The following PLCXD3 variants were observed in gnomAD, a reference collection of about 807,000 sequenced individuals.
PLCXD3 encodes PI-PLC X domain-containing protein 3.
A neutral mutation model predicts 25.5 loss-of-function variants in PLCXD3; 19 were observed. The observed-to-expected ratio is 0.75, with a 90% CI of 0.52 to 1.09. The LOEUF (loss-of-function observed/expected upper bound fraction) is 1.09. Among genes scored for constraint, PLCXD3 ranks in the 50% least tolerant of loss-of-function variants. The pLI, the probability that PLCXD3 is intolerant of heterozygous loss-of-function variation, is 0.00. For missense variants in PLCXD3, 411 were observed against 388.1 expected (o/e 1.06, Z -0.50); for synonymous variants, 174 against 137.6 (o/e 1.26, Z -1.85).
chr5:41,358,143 C>T (rs762248572), intron 2 of PLCXD3, among the ~76,000 whole-genome samples: 16 of 152,264 alleles, frequency 1.1e-4, no homozygotes, highest in African/African-American at 3.6e-4. Flanking sequence ...TTATGCTTCA[C>T]GGTAGTCTTG....
chr5:41,311,836 C>A lies in PLCXD3; in HGVS notation c.*1781G>T, dbSNP rs1374818417. On this transcript the variant is annotated 3_prime_UTR_variant, in exon 3 of 3. Transcript: ENST00000377801. ...TTGACATATATGGTTTTGAATTGAA[C>A]TCCCTTATCTAAGTCTAAGAGATTA... The A allele has an allele frequency of 1.3e-5, 2 of 152,486 alleles. No homozygotes were observed. Among genetic ancestry groups the A allele is most frequent in the Admixed American group, 6.6e-5 (1 of 15,254 alleles). The allele number at this position is 152,486 out of a possible 1,614,324, so 9.4% of individuals were successfully genotyped here. A position where few individuals can be genotyped will look rare whatever the true frequency, so the allele number is the denominator to read the frequency against.
intron 1 of PLCXD3, among the ~76,000 whole-genome samples, chr5:41,480,966 AGCATTAAAGTATACTAACACT>A (rs1431410713): frequency 6.6e-6 from 1 of 152,096 alleles, no homozygotes; most frequent in Non-Finnish European, 1.5e-5. Flanking sequence ...TATCAGTTGA[AGCATTAAAGTATACTAACACT>A]GTTTCTGAAA....
chr5:41,379,094 C>T (rs1257482048), intron 2 of PLCXD3, among the ~76,000 whole-genome samples: 1 of 152,032 alleles, frequency 6.6e-6, no homozygotes, highest in Non-Finnish European at 1.5e-5. Context: ...AGACTTGCAT[C>T]ATGCCCAAAA....
chr5:41,336,709 T>A (rs570880879), intron 2 of PLCXD3, among the ~76,000 whole-genome samples: 23 of 152,158 alleles, frequency 1.5e-4, no homozygotes, highest in Non-Finnish European at 2.9e-4. Flanking sequence ...CTCTTTGGAA[T>A]AACTTGCATG....
At chr5:41,458,273 T>C (rs1446769748) in intron 1 of PLCXD3, among the ~76,000 whole-genome samples, 2 of 151,532 alleles carry the variant, frequency 1.3e-5, no homozygotes, top group East Asian at 3.9e-4. Context: ...AAGAACAGAA[T>C]ATAGAAGGAA....
At chr5:41,340,697 T>A (rs780359108) in intron 2 of PLCXD3, among the ~76,000 whole-genome samples, 20 of 152,122 alleles carry the variant, frequency 1.3e-4, no homozygotes, top group Non-Finnish European at 2.4e-4. Context: ...GCAGAACTGT[T>A]TAGAGGGATA....
chr5:41,326,804 C>A (rs1302131704), intron 2 of PLCXD3, among the ~76,000 whole-genome samples: 1 of 152,032 alleles, frequency 6.6e-6, no homozygotes, highest in Non-Finnish European at 1.5e-5. Flanking sequence ...CAGTACCTGC[C>A]CATTAAAATA....
At chr5:41,438,558 A>G (rs79959364) in intron 1 of PLCXD3, among the ~76,000 whole-genome samples, 2,596 of 152,218 alleles carry the variant, frequency 0.017, 87 homozygotes, top group African/African-American at 0.06. Flanking sequence ...AATCTGTAAG[A>G]CGGGAGCCTG....
chr5:41,428,047 CTTCT>C (rs1234482537), intron 1 of PLCXD3, among the ~76,000 whole-genome samples: 6 of 152,158 alleles, frequency 3.9e-5, no homozygotes, highest in Admixed American at 2.6e-4. Flanking sequence ...TTCTTTGGGA[CTTCT>C]TTGAGTCCCT....
chr5:41,394,224 G>C (rs1040641059), intron 1 of PLCXD3, among the ~76,000 whole-genome samples: 40 of 152,044 alleles, frequency 2.6e-4, no homozygotes, highest in African/African-American at 9.2e-4. Context: ...GTTGTTATCA[G>C]GTTAAAATAA....
At chr5:41,371,783 G>A (rs1745103587) in intron 2 of PLCXD3, among the ~76,000 whole-genome samples, 1 of 152,076 alleles carries the variant, frequency 6.6e-6, no homozygotes, top group Admixed American at 6.6e-5. Flanking sequence ...ATGGACTTGT[G>A]CCCCACTCAG....
chr5:41,390,634 C>A (rs754714201), intron 1 of PLCXD3, among the ~76,000 whole-genome samples: 7 of 151,936 alleles, frequency 4.6e-5, no homozygotes, highest in African/African-American at 1.7e-4. Flanking sequence ...GAGAGACAGG[C>A]AGAGCAAGAG....
At chr5:41,360,042 CT>C (rs960326966) in intron 2 of PLCXD3, among the ~76,000 whole-genome samples, 10 of 151,962 alleles carry the variant, frequency 6.6e-5, no homozygotes, top group African/African-American at 2.4e-4. Context: ...TTAAAAAATT[CT>C]TTTTTATTTG....
intron 2 of PLCXD3, among the ~76,000 whole-genome samples, chr5:41,329,974 T>C (rs1336686115): frequency 6.6e-6 from 1 of 152,038 alleles, no homozygotes; most frequent in African/African-American, 2.4e-5. Flanking sequence ...ATGCTACTTC[T>C]CTAACACCTC....
intron 1 of PLCXD3, among the ~76,000 whole-genome samples, chr5:41,455,174 A>T (rs1213039519): frequency 6.6e-6 from 1 of 151,962 alleles, no homozygotes; most frequent in African/African-American, 2.4e-5. Context: ...AAGCCTAACC[A>T]TATCACCAAT....
At chr5:41,391,339 A>AGG (rs372563946) in intron 1 of PLCXD3, among the ~76,000 whole-genome samples, 2 of 152,128 alleles carry the variant, frequency 1.3e-5, no homozygotes, top group African/African-American at 4.8e-5. Context: ...AAGAGTTGAG[A>AGG]GGAGTTTGTC....
chr5:41,341,943 A>T (rs1326858616), intron 2 of PLCXD3, among the ~76,000 whole-genome samples: 1 of 152,206 alleles, frequency 6.6e-6, no homozygotes, highest in African/African-American at 2.4e-5. Context: ...GTCCACAGTA[A>T]GAAATTTCCA....
chr5:41,342,617 AT>A (rs1744183199), intron 2 of PLCXD3, among the ~76,000 whole-genome samples: 2 of 152,172 alleles, frequency 1.3e-5, no homozygotes, highest in African/African-American at 4.8e-5. Flanking sequence ...TGTAAATTTA[AT>A]GTGGGTATTT....
chr5:41,375,091 G>A (rs1745248258), intron 2 of PLCXD3, among the ~76,000 whole-genome samples: 1 of 152,030 alleles, frequency 6.6e-6, no homozygotes, highest in Non-Finnish European at 1.5e-5. Flanking sequence ...GAGCTGGAGT[G>A]TGTCCCCATT....
Sources: allele counts gnomAD v4.1 joint callset (sites outside exome capture counted in the v4.1 genomes callset), GRCh38; gene constraint gnomAD v4.1.1; transcripts MANE v1.5; gene names NCBI Gene and HGNC (gene_info 2026-07-23, HGNC 2026-07-21).